The following EYA4 variants were observed in gnomAD, a reference collection of about 807,000 sequenced individuals.
The protein encoded by EYA4 is protein phosphatase EYA4.
In EYA4, 31 loss-of-function variants were observed where a neutral mutation model predicts 87.9. That is an observed-to-expected ratio of 0.35 (90% CI 0.27 to 0.48). The LOEUF (loss-of-function observed/expected upper bound fraction) is 0.48. EYA4 is among the 20% of genes least tolerant of loss of function. The pLI is 0.99. For synonymous variants in EYA4, 263 were observed against 270.6 expected, an observed-to-expected ratio of 0.97 and a Z score of 0.28; for missense variants, 678 against 761.4, an observed-to-expected ratio of 0.89 and a Z score of 1.29.
intron 2 of EYA4, among the ~76,000 whole-genome samples, chr6:133,324,975 A>G (rs1023944190): frequency 6.9e-6 from 1 of 143,996 alleles, no homozygotes; most frequent in African/African-American, 2.6e-5. Flanking sequence ...CAGTGGCACA[A>G]TCTCGGTTCA....
chr6:133,244,611 A>G (rs991234778), intron 1 of EYA4, among the ~76,000 whole-genome samples: 6 of 140,214 alleles, frequency 4.3e-5, no homozygotes, highest in Middle Eastern at 3.5e-3. Flanking sequence ...TTTTCTTTTA[A>G]TAAGGCTCTT....
At chr6:133,389,862 T>C (rs958242738) in intron 3 of EYA4, among the ~76,000 whole-genome samples, 1 of 152,198 alleles carries the variant, frequency 6.6e-6, no homozygotes, top group Non-Finnish European at 1.5e-5. Context: ...TTTTTGAATC[T>C]CTTTATCCTG....
chr6:133,324,904 A>ATTTTTTTTTTTTTT (rs756478373), intron 2 of EYA4, among the ~76,000 whole-genome samples: 2 of 83,536 alleles, frequency 2.4e-5, no homozygotes, highest in Admixed American at 1.6e-4. Flanking sequence ...TTCAGAAGCT[A>ATTTTTTTTTTTTTT]TTTTTTTTTT....
intron 2 of EYA4, among the ~76,000 whole-genome samples, chr6:133,342,605 A>ATATATATATTATATATATATATATATC (rs1485897156): frequency 2.9e-4 from 38 of 130,448 alleles, no homozygotes; most frequent in African/African-American, 1.0e-3. Context: ...ATATATATAT[A>ATATATATATTATATATATATATATATC]ATTCTTTATA....
chr6:133,418,142 A>G (rs1051491089), intron 3 of EYA4, among the ~76,000 whole-genome samples: 3 of 152,120 alleles, frequency 2.0e-5, no homozygotes, highest in East Asian at 1.9e-4. Context: ...TTCTCGAGCT[A>G]TTCATCCTTC....
intron 3 of EYA4, among the ~76,000 whole-genome samples, chr6:133,386,115 A>G (rs1452419942): frequency 6.6e-6 from 1 of 152,200 alleles, no homozygotes; most frequent in African/African-American, 2.4e-5. Context: ...AATGTTAACC[A>G]TAAAATGAAT....
chr6:133,456,893 A>G (rs1793961248), intron 6 of EYA4, among the ~76,000 whole-genome samples: 1 of 152,204 alleles, frequency 6.6e-6, no homozygotes, highest in East Asian at 1.9e-4. Context: ...TATTATGGAT[A>G]AGTAAACTTA....
intron 1 of EYA4, among the ~76,000 whole-genome samples, chr6:133,253,032 T>G (rs1021692209): frequency 3.3e-5 from 5 of 151,778 alleles, no homozygotes; most frequent in African/African-American, 9.7e-5. Context: ...TGCTTTAATT[T>G]TGAAATGTGT....
At chr6:133,358,881 C>A (rs1784264328) in intron 2 of EYA4, among the ~76,000 whole-genome samples, 1 of 152,108 alleles carries the variant, frequency 6.6e-6, no homozygotes, top group African/African-American at 2.4e-5. Flanking sequence ...AGGGGAAAAA[C>A]TACTGTAGGT....
chr6:133,373,693 G>A (rs1380289185), intron 2 of EYA4, among the ~76,000 whole-genome samples: 8 of 151,882 alleles, frequency 5.3e-5, no homozygotes, highest in South Asian at 2.1e-4. Flanking sequence ...CACCCAGGAC[G>A]GCAAAGAAAC....
chr6:133,412,318 A>G (rs1311505193), intron 3 of EYA4, among the ~76,000 whole-genome samples: 1 of 152,212 alleles, frequency 6.6e-6, no homozygotes, highest in African/African-American at 2.4e-5. Context: ...TATACATATC[A>G]TAAATATGCA....
At chr6:133,243,911 A>G (rs774980033) in intron 1 of EYA4, among the ~76,000 whole-genome samples, 1 of 152,216 alleles carries the variant, frequency 6.6e-6, no homozygotes, top group Non-Finnish European at 1.5e-5. Flanking sequence ...TGGCAACAAT[A>G]TCGAAAGCAG....
intron 2 of EYA4, among the ~76,000 whole-genome samples, chr6:133,367,890 G>A (rs994109517): frequency 6.6e-6 from 1 of 152,060 alleles, no homozygotes; most frequent in Non-Finnish European, 1.5e-5. Flanking sequence ...AATATATATG[G>A]AAGATGGAGT....
Position 133,462,580 on chromosome 6 carries a change from C to T in EYA4, c.581-41C>T, listed in dbSNP as rs374946974. 84 of 1,613,174 alleles carry T rather than the reference C, an allele frequency of 5.2e-5. No homozygotes were observed. In the African/African-American group the frequency reaches 1.1e-3, roughly 21 times the overall value. On this transcript the variant is annotated intron_variant, in intron 8 of 19. Coordinates refer to ENST00000355286, the MANE Select transcript of EYA4 (RefSeq NM_004100.5). ...GGTTACAACTTAGAAGGAAAATCAT[C>T]TTACTAATTAAATGGTTTACACATT...
chr6:133,480,887 C>T (rs962244475), intron 11 of EYA4, among the ~76,000 whole-genome samples: 4 of 151,176 alleles, frequency 2.6e-5, no homozygotes, highest in African/African-American at 9.7e-5. Context: ...GATGGAAATT[C>T]CAGGTCAGAG....
chr6:133,525,546 T>C (rs1268771499), intron 19 of EYA4, among the ~76,000 whole-genome samples: 2 of 152,162 alleles, frequency 1.3e-5, no homozygotes, highest in African/African-American at 4.8e-5. Flanking sequence ...TGTGGGCATG[T>C]ATACACATGC....
rs13218103 is a variant in EYA4, at chr6:133,319,858, C to G, written c.33+45045C>G. 2.0e-5 allele frequency among the ~76,000 whole-genome samples: 3 copies of G among 151,598 alleles called. No individual in the cohort carries two copies. The East Asian group carries it at 5.8e-4, about 29-fold the overall frequency. On this transcript the variant is annotated intron_variant, in intron 2 of 19. Coordinates refer to ENST00000355286, the MANE Select transcript of EYA4 (RefSeq NM_004100.5). Reference sequence around the variant, plus strand: ...AGCCCCCCAGAGTAGCTGGGACTATCGGTGTGTGCCACCATGCCTAGCTAA... The same window carrying G: ...AGCCCCCCAGAGTAGCTGGGACTATGGGTGTGTGCCACCATGCCTAGCTAA...
intron 2 of EYA4, among the ~76,000 whole-genome samples, chr6:133,332,184 A>G (rs1782017430): frequency 2.0e-5 from 3 of 152,208 alleles, no homozygotes. Context: ...GAAGATGGCC[A>G]TAAAGAGGAG....
chr6:133,530,280 A>G lies in EYA4; in HGVS notation c.*1475A>G. 5 of 985,416 alleles carry G rather than the reference A, an allele frequency of 5.1e-6. No individual in the cohort carries two copies. The highest frequency in any genetic ancestry group is 6.0e-6 in the Non-Finnish European group (5 of 829,936). 61.0% of individuals were successfully genotyped at this position (985,416 alleles called of 1,614,324 possible). A position where few individuals can be genotyped will look rare whatever the true frequency, so the allele number is the denominator to read the frequency against. On this transcript the variant is annotated 3_prime_UTR_variant, in exon 20 of 20. Coordinates refer to ENST00000355286, the MANE Select transcript of EYA4 (RefSeq NM_004100.5). ...TTTGTTAGTTTCTGCCTGTATTGTC[A>G]CTGCGCAACGGATGGCATTCATTAC...
Sources: allele counts gnomAD v4.1 joint callset (sites outside exome capture counted in the v4.1 genomes callset), GRCh38; gene constraint gnomAD v4.1.1; transcripts MANE v1.5; gene names NCBI Gene and HGNC (gene_info 2026-07-23, HGNC 2026-07-21).